Variants in CRTC2 observed in about 807,000 individuals in gnomAD.
CRTC2 encodes CREB-regulated transcription coactivator 2.
A neutral mutation model predicts 70.9 loss-of-function variants in CRTC2; 25 were observed. The ratio of observed to expected loss-of-function variants is 0.35; its 90% CI spans 0.26 to 0.49. The LOEUF is 0.49. Among genes scored for constraint, CRTC2 ranks in the 20% least tolerant of loss-of-function variants. CRTC2 has a pLI of 0.98. For synonymous variants in CRTC2, 330 were observed against 364.1 expected, an observed-to-expected ratio of 0.91 and a Z score of 1.07; for missense variants, 737 against 882.6, an observed-to-expected ratio of 0.83 and a Z score of 2.09.
chr1:153,954,954 G>A lies in CRTC2; in HGVS notation c.291C>T (p.Ser97=). ...PLHSPLDSSR[S]TRHHGLVERV... is the part of the protein sequence containing the mutation. The stretch of plus-strand genomic sequence containing the variant: ...GTTCCACCAGCCCATGGTGCCGAGT[G>A]CTCCGAGATGAATCCAAAGGTGAGT... Residue 97 remains serine (S), a synonymous_variant, in exon 3 of 14, where the codon AGC becomes AGT. Coordinates refer to ENST00000368633, the MANE Select transcript of CRTC2 (RefSeq NM_181715.3). The A allele has an allele frequency of 1.2e-6, 2 of 1,614,110 alleles. No homozygotes were observed. The highest frequency in any genetic ancestry group is 1.3e-5 in the African/African-American group (1 of 75,042).
chr1:153,956,882 G>A (rs1680647523), intron 1 of CRTC2, among the ~76,000 whole-genome samples: 1 of 152,140 alleles, frequency 6.6e-6, no homozygotes, highest in Non-Finnish European at 1.5e-5. Context: ...CCCAGCTTTT[G>A]AGTTTCGCAC....
At position 153,958,558 on chromosome 1, in the gene CRTC2, T is replaced by TCGGCCC. The variant is rs1178874931; in HGVS notation, c.-67_-62dup. The TCGGCCC allele has an allele frequency of 4.8e-6, 7 of 1,463,202 alleles. No individual in the cohort carries two copies. The Admixed American group carries it at 1.3e-4, about 28-fold the overall frequency. The allele number at this position is 1,463,202 out of a possible 1,614,324, so 90.6% of individuals were successfully genotyped here. On this transcript the variant is annotated 5_prime_UTR_variant, in exon 1 of 14. Transcript: ENST00000368633. ...ACCAGCCGCGGCCTCCGCCGCGGCCTCGGCCCGGCTCCTCCAGCCGTAGCC... is the reference window on the plus strand; with the variant it reads ...ACCAGCCGCGGCCTCCGCCGCGGCCTCGGCCCCGGCCCGGCTCCTCCAGCCGTAGCC...
chr1:153,951,518 C>CAGT lies in CRTC2; in HGVS notation c.1143_1145dup (p.Leu382dup). The CAGT allele has an allele frequency of 2.5e-6, 4 of 1,602,988 alleles. No individual in the cohort carries two copies. The highest frequency in any genetic ancestry group is 3.4e-6 in the Non-Finnish European group (4 of 1,174,856). On this transcript the variant is annotated inframe_insertion, in exon 11 of 14. Coordinates refer to ENST00000368633, the MANE Select transcript of CRTC2 (RefSeq NM_181715.3). ...AGGGGTGGCCCAGGGAGGTGGTGGG[C>CAGT]AGTACATGGCGGGCCAAGGAGGAGG...
In CRTC2 at chr1:153,948,290, G is replaced by C. The variant is rs933581467; in HGVS notation, c.1901C>G (p.Ala634Gly). 6.2e-7 allele frequency: 1 copy of C among 1,614,278 alleles called. No homozygotes were observed. Among genetic ancestry groups the C allele is most frequent in the Non-Finnish European group, 8.5e-7 (1 of 1,180,054 alleles). Reference sequence around the variant, plus strand: ...CTCAAAGCCAGGCACTCCGGCCAGGGCTGCTGCAATCTCCTTAGAGAAACC... The same window carrying C: ...CTCAAAGCCAGGCACTCCGGCCAGGCCTGCTGCAATCTCCTTAGAGAAACC... Reference protein sequence around the residue: ...SPGFSKEIAAALAGVPGFEVS... With the variant: ...SPGFSKEIAAGLAGVPGFEVS... Residue 634 changes from alanine (A) to glycine (G), a missense_variant, in exon 14 of 14, where the codon GCC becomes GGC. Ala to Gly is a moderately conservative substitution (Grantham distance 60, BLOSUM62 0). This residue lies in a region of CRTC2 where 699 missense variants were observed against 823.7 expected (regional missense o/e 0.85). Transcript: ENST00000368633.
At chr1:153,951,015 C>T (rs1680286488) in intron 11 of CRTC2, among the ~76,000 whole-genome samples, 2 of 152,098 alleles carry the variant, frequency 1.3e-5, no homozygotes, top group South Asian at 4.1e-4. Context: ...ATAACTTGTC[C>T]AAGGTGACTG....
chr1:153,955,431 G>T (rs1314747584), intron 1 of CRTC2, among the ~76,000 whole-genome samples: 1 of 151,832 alleles, frequency 6.6e-6, no homozygotes. Context: ...GCCGGGCGTG[G>T]TGGCGGGCGC....
chr1:153,948,501 G>C lies in CRTC2; in HGVS notation c.1818C>G (p.Thr606=). 1 of 1,610,934 alleles carries C rather than the reference G, an allele frequency of 6.2e-7. No homozygotes were observed. Among genetic ancestry groups the C allele is most frequent in the South Asian group, 1.1e-5 (1 of 90,664 alleles). Residue 606 remains threonine, a synonymous_variant, in exon 13 of 14, where the codon ACC becomes ACG. Transcript: ENST00000368633. ...GCCCTGAGCCATGGCGGGAACAGTG[G>C]GTCAAGTTCTGGTGGTTGAAGGTGT... ...DPHTFNHQNL[T]HCSRHGSGPN...
chr1:153,949,211 G>T lies in CRTC2; in HGVS notation c.1578C>A (p.Gly526=). The part of the protein sequence containing the change: ...SVQSSGGQPP[G]RQSHYGTPYP... ...ACGGTGTCCCATAATGAGACTGCCTGCCTGGGGGCTGCCCACCTGAGGACT... is the reference window on the plus strand; with the variant it reads ...ACGGTGTCCCATAATGAGACTGCCTTCCTGGGGGCTGCCCACCTGAGGACT... Residue 526 remains glycine (G), a synonymous_variant, in exon 12 of 14, where the codon GGC becomes GGA. Coordinates refer to ENST00000368633, the MANE Select transcript of CRTC2 (RefSeq NM_181715.3). 6.2e-7 allele frequency: 1 copy of T among 1,614,084 alleles called. No individual in the cohort carries two copies.
intron 1 of CRTC2, chr1:153,958,073 C>T (rs1037136045): frequency 1.1e-5 from 15 of 1,351,366 alleles, no homozygotes; most frequent in Non-Finnish European, 1.4e-5. Flanking sequence ...CCTACCTCCG[C>T]CGGACTTCAT....
rs1196407943 is a variant in CRTC2, at chr1:153,951,520, G to A, written c.1144C>T (p.Leu382=). The change falls in exon 11 of 14, where the codon CTG becomes TTG. Residue 382 remains leucine, a synonymous_variant. Coordinates refer to ENST00000368633, the MANE Select transcript of CRTC2 (RefSeq NM_181715.3). ...GGGTGGCCCAGGGAGGTGGTGGGCA[G>A]TACATGGCGGGCCAAGGAGGAGGCA... ...LPASSLARHV[L]PTTSLGHPSL... is the part of the protein sequence containing the mutation. 6.2e-7 allele frequency: 1 copy of A among 1,605,054 alleles called. No homozygotes were observed. Among genetic ancestry groups the A allele is most frequent in the South Asian group, 1.1e-5 (1 of 89,454 alleles).
chr1:153,948,019 G>A lies in CRTC2; in HGVS notation c.*90C>T. On this transcript the variant is annotated 3_prime_UTR_variant, in exon 14 of 14. Coordinates refer to ENST00000368633, the MANE Select transcript of CRTC2 (RefSeq NM_181715.3). ...ATGCTAGAAAGAGGATCTGGGGACA[G>A]AGAGTAGAGTCTCTACCTGCCAGGG... The A allele has an allele frequency of 8.2e-7, 1 of 1,223,138 alleles. No homozygotes were observed. The highest frequency in any genetic ancestry group is 1.2e-6 in the Non-Finnish European group (1 of 843,320). 75.8% of individuals were successfully genotyped at this position (1,223,138 alleles called of 1,614,324 possible).
chr1:153,950,983 TACTG>T (rs990413903), intron 11 of CRTC2, among the ~76,000 whole-genome samples: 1 of 152,174 alleles, frequency 6.6e-6, no homozygotes, highest in African/African-American at 2.4e-5. Context: ...GAAATGAAAA[TACTG>T]AGGCTTATAG....
Position 153,950,063 on chromosome 1 carries a change from G to C in CRTC2, c.1405-679C>G, listed in dbSNP as rs139132810. On this transcript the variant is annotated intron_variant, in intron 11 of 13. Coordinates refer to ENST00000368633, the MANE Select transcript of CRTC2 (RefSeq NM_181715.3). ...TCCTCCCATCTCAGCCTCCCCAGTA[G>C]CCAGGACTACAAGCGTGCGCGACTG... 2.0e-3 allele frequency among the ~76,000 whole-genome samples: 297 copies of C among 152,252 alleles called. 2 individuals carry two copies. The highest frequency in any genetic ancestry group is 6.8e-3 in the African/African-American group (282 of 41,552).
Position 153,953,557 on chromosome 1 carries a change from G to A in CRTC2, c.484C>T (p.Leu162=), listed in dbSNP as rs1209399174. 2 of 1,611,498 alleles carry A rather than the reference G, an allele frequency of 1.2e-6. No homozygotes were observed. The highest frequency in any genetic ancestry group is 1.7e-5 in the Admixed American group (1 of 59,878). Residue 162 remains leucine (L), a synonymous_variant, in exon 5 of 14, where the codon CTA becomes TTA. Coordinates refer to ENST00000368633, the MANE Select transcript of CRTC2 (RefSeq NM_181715.3). ...FPAEKGQLFR[L]PSALNRTSSD... ...CATCACCTGTTAAGTGCAGATGGTA[G>A]TCGAAACAACTGCCCCTTCTCTGCA...
intron 3 of CRTC2, 52 bp downstream of exon 3, chr1:153,954,821 G>T: frequency 6.7e-7 from 1 of 1,493,028 alleles, no homozygotes; most frequent in Non-Finnish European, 9.3e-7. Flanking sequence ...AGTCCCTGAG[G>T]AACCCCATCC....
Position 153,949,303 on chromosome 1 carries a change from G to A in CRTC2, c.1486C>T (p.Pro496Ser). 6.2e-7 allele frequency: 1 copy of A among 1,614,062 alleles called. No homozygotes were observed. Among genetic ancestry groups the A allele is most frequent in the Non-Finnish European group, 8.5e-7 (1 of 1,180,002 alleles). ...GACTTTGGGGTGTGGGGCTGGGTAG[G>A]CAGAACCAGACTTGGGGAGCTGTAT... ...YPYSSPSLVLPTQPHTPKSLQ... is the reference protein window; with the variant it reads ...YPYSSPSLVLSTQPHTPKSLQ... The change falls in exon 12 of 14, where the codon CCT (proline) becomes TCT (serine). Residue 496 changes from proline (P) to serine (S), a missense_variant. Physicochemically the swap from Pro to Ser is moderately conservative, Grantham distance 74. Around this residue, in one of 3 missense-constraint regions of CRTC2, gnomAD observed 699 missense variants for 823.7 expected, o/e 0.85. Transcript: ENST00000368633.
In CRTC2 at chr1:153,951,509, G is replaced by C; in HGVS notation, c.1155C>G (p.Thr385=). The C allele has an allele frequency of 6.2e-7, 1 of 1,602,768 alleles. No homozygotes were observed. The highest frequency in any genetic ancestry group is 2.2e-5 in the East Asian group (1 of 44,834). The change falls in exon 11 of 14, where the codon ACC becomes ACG. Residue 385 remains threonine (T), a synonymous_variant. Coordinates refer to ENST00000368633, the MANE Select transcript of CRTC2 (RefSeq NM_181715.3). The part of the protein sequence containing the change: ...SSLARHVLPT[T]SLGHPSLSAP... Reference sequence around the variant, plus strand: ...CACTGAGTGAGGGGTGGCCCAGGGAGGTGGTGGGCAGTACATGGCGGGCCA... The same window carrying C: ...CACTGAGTGAGGGGTGGCCCAGGGACGTGGTGGGCAGTACATGGCGGGCCA...
At position 153,953,204 on chromosome 1, in the gene CRTC2, T is replaced by C. The variant is rs1571078522; in HGVS notation, c.607+62A>G. ...TCTCAAAAAAGAAAGAAATAATAAA[T>C]AAATAAATAAATAAATAAATAGCTC... is the stretch of plus-strand genomic sequence containing the variant. On this transcript the variant is annotated intron_variant, in intron 6 of 13. Coordinates refer to ENST00000368633, the MANE Select transcript of CRTC2 (RefSeq NM_181715.3). 9 of 810,974 alleles carry C rather than the reference T, an allele frequency of 1.1e-5. No individual in the cohort carries two copies. In the East Asian group the frequency reaches 1.2e-4, roughly 11 times the overall value. 50.2% of individuals were successfully genotyped at this position (810,974 alleles called of 1,614,324 possible).
In CRTC2 at chr1:153,949,101, G is replaced by A. The variant is rs1680182973; in HGVS notation, c.1674+14C>T. Reference sequence around the variant, plus strand: ...CCACTCCCCTGCTTTTGAGCAAGGAGCCTGAGTACTCACATTCCCCAGGTT... The same window carrying A: ...CCACTCCCCTGCTTTTGAGCAAGGAACCTGAGTACTCACATTCCCCAGGTT... On this transcript the variant is annotated intron_variant, in intron 12 of 13. Transcript: ENST00000368633. 6.2e-7 allele frequency: 1 copy of A among 1,601,182 alleles called. No homozygotes were observed. Among genetic ancestry groups the A allele is most frequent in the South Asian group, 1.1e-5 (1 of 89,020 alleles).
Sources: allele counts gnomAD v4.1 joint callset (sites outside exome capture counted in the v4.1 genomes callset), GRCh38; gene constraint gnomAD v4.1.1; regional missense constraint gnomAD v4.1.1; transcripts MANE v1.5; gene names NCBI Gene and HGNC (gene_info 2026-07-23, HGNC 2026-07-21).